SH3GL2: variants seen among roughly 807,000 people sequenced by gnomAD.
SH3GL2 encodes the protein SH3 domain containing GRB2 like 2, endophilin A1, also known as endophilin-A1.
SH3GL2 carries 24 observed loss-of-function variants against 46.0 expected under a neutral mutation model. The ratio of observed to expected loss-of-function variants is 0.52; its 90% CI spans 0.38 to 0.73. SH3GL2 has a LOEUF of 0.73. Ranked by LOEUF, SH3GL2 falls within the 30% of genes least tolerant of loss-of-function variation. SH3GL2 has a pLI of 0.00. For missense variants in SH3GL2, 413 were observed against 424.2 expected, an observed-to-expected ratio of 0.97 and a Z score of 0.23; for synonymous variants, 196 against 147.1, an observed-to-expected ratio of 1.33 and a Z score of -2.40.
chr9:17,671,908 C>T (rs1441447772), intron 1 of SH3GL2, among the ~76,000 whole-genome samples: 2 of 152,130 alleles, frequency 1.3e-5, no homozygotes, highest in African/African-American at 4.8e-5. Flanking sequence ...TTAATCTTGT[C>T]TCATAATAAT....
chr9:17,680,583 C>T (rs560513002), intron 1 of SH3GL2, among the ~76,000 whole-genome samples: 5 of 151,582 alleles, frequency 3.3e-5, no homozygotes, highest in Admixed American at 1.3e-4. Context: ...AAAACCAGCT[C>T]CTGGATTCAT....
intron 3 of SH3GL2, among the ~76,000 whole-genome samples, chr9:17,778,681 A>G (rs911612317): frequency 2.6e-5 from 4 of 152,162 alleles, no homozygotes; most frequent in Non-Finnish European, 5.9e-5. Flanking sequence ...CAGGGAGGCC[A>G]GCAGGAGCTT....
intron 1 of SH3GL2, among the ~76,000 whole-genome samples, chr9:17,641,907 G>A (rs551829269): frequency 1.3e-5 from 2 of 152,282 alleles, no homozygotes; most frequent in Admixed American, 6.5e-5. Flanking sequence ...ACATACGTGT[G>A]CATGTGTCTT....
At chr9:17,667,143 T>G (rs1820364026) in intron 1 of SH3GL2, among the ~76,000 whole-genome samples, 1 of 152,174 alleles carries the variant, frequency 6.6e-6, no homozygotes, top group African/African-American at 2.4e-5. Context: ...TGTTATTGGC[T>G]TTTTAACTGT....
Position 17,791,320 on chromosome 9 carries a change from C to G in SH3GL2, c.714C>G (p.Val238=). Residue 238 remains valine (V), a synonymous_variant, in exon 7 of 9, where the codon GTC becomes GTG. Coordinates refer to ENST00000380607, the MANE Select transcript of SH3GL2 (RefSeq NM_003026.5). ...TCCAGATCCTGCAGCAAGTCACGGT[C>G]AGACTGGAAGAAAGGTATTCTACAG... ...QAVQILQQVT[V]RLEERIRQAS... 6.2e-7 allele frequency: 1 copy of G among 1,609,288 alleles called. No homozygotes were observed. Among genetic ancestry groups the G allele is most frequent in the Non-Finnish European group, 8.5e-7 (1 of 1,175,642 alleles).
rs1588265571 is a variant in SH3GL2 at position 17,713,072 on chromosome 9, G to A, written c.46-33994G>A. On this transcript the variant is annotated intron_variant, in intron 1 of 8. Coordinates refer to ENST00000380607, the MANE Select transcript of SH3GL2 (RefSeq NM_003026.5). ...ATTCCTTTCCCTTCTTAGTGTGCTG[G>A]GTTTTTTTTTTTAAATCAAAAGTAG... Among the ~76,000 whole-genome samples, 6 of 150,738 alleles carry A rather than the reference G, an allele frequency of 4.0e-5. No individual in the cohort carries two copies. In the South Asian group the frequency reaches 1.3e-3, roughly 31 times the overall value.
intron 1 of SH3GL2, among the ~76,000 whole-genome samples, chr9:17,699,419 T>C (rs889276646): frequency 2.0e-5 from 3 of 152,196 alleles, no homozygotes; most frequent in Non-Finnish European, 2.9e-5. Context: ...GGAATTTCAA[T>C]ATCACCCTCC....
intron 1 of SH3GL2, among the ~76,000 whole-genome samples, chr9:17,734,982 G>A (rs1038307197): frequency 1.3e-5 from 2 of 152,112 alleles, no homozygotes; most frequent in Non-Finnish European, 2.9e-5. Flanking sequence ...ACAAAGTAAT[G>A]CATTCTTCTT....
intron 1 of SH3GL2, among the ~76,000 whole-genome samples, chr9:17,625,686 G>T (rs1185043884): frequency 6.6e-6 from 1 of 152,186 alleles, no homozygotes; most frequent in Non-Finnish European, 1.5e-5. Flanking sequence ...CTTTCTTCTT[G>T]TCTTAGTTAA....
intron 1 of SH3GL2, among the ~76,000 whole-genome samples, chr9:17,620,448 G>C (rs1391475221): frequency 6.6e-6 from 1 of 152,186 alleles, no homozygotes; most frequent in African/African-American, 2.4e-5. Flanking sequence ...CTATGAGGTA[G>C]ATACTATTAT....
At chr9:17,782,224 T>A (rs781152001) in intron 3 of SH3GL2, among the ~76,000 whole-genome samples, 3 of 152,160 alleles carry the variant, frequency 2.0e-5, no homozygotes, top group Non-Finnish European at 2.9e-5. Flanking sequence ...TAATCTTTTT[T>A]AAACTCCTTG....
intron 1 of SH3GL2, among the ~76,000 whole-genome samples, chr9:17,729,115 C>G (rs11781076): frequency 1.3e-5 from 2 of 152,154 alleles, no homozygotes; most frequent in Non-Finnish European, 2.9e-5. Context: ...TTCTCCATAT[C>G]CTCTCCAGCA....
chr9:17,609,944 C>A (rs1329497279), intron 1 of SH3GL2, among the ~76,000 whole-genome samples: 2 of 152,176 alleles, frequency 1.3e-5, no homozygotes, highest in Non-Finnish European at 2.9e-5. Context: ...GGCCCTCTAA[C>A]AGAGGAACAT....
intron 1 of SH3GL2, among the ~76,000 whole-genome samples, chr9:17,636,291 G>A (rs1216816702): frequency 7.2e-6 from 1 of 139,576 alleles, no homozygotes; most frequent in Non-Finnish European, 1.6e-5. Flanking sequence ...GGAATGTTAG[G>A]TAAAGGTAAT....
chr9:17,760,054 A>T (rs1823123161), intron 2 of SH3GL2, among the ~76,000 whole-genome samples: 1 of 152,178 alleles, frequency 6.6e-6, no homozygotes, highest in African/African-American at 2.4e-5. Context: ...ATGGCTTCAC[A>T]AGTTGTGTAC....
At chr9:17,598,381 G>C (rs2134558823) in intron 1 of SH3GL2, among the ~76,000 whole-genome samples, 1 of 152,334 alleles carries the variant, frequency 6.6e-6, no homozygotes, top group East Asian at 1.9e-4. Flanking sequence ...AAGATTGTAT[G>C]ATATGATTTT....
chr9:17,717,051 G>A (rs1821779450), intron 1 of SH3GL2, among the ~76,000 whole-genome samples: 1 of 152,032 alleles, frequency 6.6e-6, no homozygotes, highest in Non-Finnish European at 1.5e-5. Flanking sequence ...TCAGAACCTG[G>A]TAGCTATCTA....
chr9:17,606,251 C>T (rs10756892), intron 1 of SH3GL2, among the ~76,000 whole-genome samples: 150,913 of 152,170 alleles, frequency 0.99, 74,851 homozygotes, highest in Middle Eastern at 1. Context: ...CACCACCACA[C>T]CCAGCTAATT....
In SH3GL2 at chr9:17,776,842, G is replaced by C. The variant is rs113893210; in HGVS notation, c.188-9539G>C. 2.6e-5 allele frequency among the ~76,000 whole-genome samples: 4 copies of C among 152,170 alleles called. No individual in the cohort carries two copies. In the East Asian group the frequency reaches 7.8e-4, roughly 30 times the overall value. Reference sequence around the variant, plus strand: ...TGATTTGTAGCATGAGCCAGTTTCTGTGTCTCACATGGCCATTTTCAAGCT... The same window carrying C: ...TGATTTGTAGCATGAGCCAGTTTCTCTGTCTCACATGGCCATTTTCAAGCT... On this transcript the variant is annotated intron_variant, in intron 3 of 8. Transcript: ENST00000380607.
Sources: allele counts gnomAD v4.1 joint callset (sites outside exome capture counted in the v4.1 genomes callset), GRCh38; gene constraint gnomAD v4.1.1; transcripts MANE v1.5; gene names NCBI Gene and HGNC (gene_info 2026-07-23, HGNC 2026-07-21).